BTD: variants seen among roughly 807,000 people sequenced by gnomAD.
BTD encodes biotinidase, also known as biocytinase.
BTD carries 13 observed loss-of-function variants against 17.7 expected under a neutral mutation model. The observed-to-expected ratio is 0.74, with a 90% CI of 0.48 to 1.17. The LOEUF (loss-of-function observed/expected upper bound fraction) is 1.17. BTD is among the 50% of genes most tolerant of loss of function. The pLI is 0.00. For missense variants in BTD, 674 were observed against 650.4 expected (o/e 1.04, Z -0.39); for synonymous variants, 240 against 245.2 (o/e 0.98, Z 0.20).
intron 3 of BTD, among the ~76,000 whole-genome samples, chr3:15,702,507 C>G: frequency 6.6e-6 from 1 of 152,134 alleles, no homozygotes; most frequent in East Asian, 1.9e-4. Context: ...TAAGGCTAAA[C>G]AATATTCTGT....
Position 15,644,588 on chromosome 3 carries a change from A to G in BTD, c.672A>G (p.Thr224=), listed in dbSNP as rs777224767. ...TPFAGRFGIF[T]CFDILFFDPA... is the part of the protein sequence containing the mutation. ...TTGCTGGCAGGTTTGGCATCTTCAC[A>G]TGCTTTGATATATTGTTCTTTGACC... Residue 224 remains threonine, a synonymous_variant, in exon 4 of 4, where the codon ACA becomes ACG. Transcript: ENST00000643237. The G allele has an allele frequency of 6.2e-7, 1 of 1,614,146 alleles. No homozygotes were observed. Among genetic ancestry groups the G allele is most frequent in the Admixed American group, 1.7e-5 (1 of 60,026 alleles).
chr3:15,642,099 A>C (rs745701034), intron 3 of BTD, 42 bp downstream of exon 3: 103 of 1,611,632 alleles, frequency 6.4e-5, no homozygotes, highest in Non-Finnish European at 8.1e-5. Flanking sequence ...GGGTACACAG[A>C]GGTGATCTAA....
intron 3 of BTD, chr3:15,679,329 T>C (rs777086590): frequency 2.5e-6 from 4 of 1,614,014 alleles, no homozygotes; most frequent in Non-Finnish European, 3.4e-6. Flanking sequence ...GCGTTCACAA[T>C]GCTGGCACCT....
At chr3:15,654,996 G>C (rs561812735), downstream of BTD, among the ~76,000 whole-genome samples, 1 of 152,332 alleles carries the variant, frequency 6.6e-6, no homozygotes, top group South Asian at 2.1e-4. Context: ...GCCTCCCAAA[G>C]TGCTGGGATT....
chr3:15,720,527 A>C (rs1303130456), intron 4 of BTD, among the ~76,000 whole-genome samples: 2 of 152,226 alleles, frequency 1.3e-5, no homozygotes, highest in Admixed American at 6.5e-5. Flanking sequence ...CTATGAAAGC[A>C]TACAAATGAA....
In BTD at chr3:15,651,303, G is replaced by C. The variant is rs1412264100; in HGVS notation, c.*5815G>C. Among the ~76,000 whole-genome samples, 1 of 152,224 alleles carries C rather than the reference G, an allele frequency of 6.6e-6. No homozygotes were observed. The highest frequency in any genetic ancestry group is 2.4e-5 in the African/African-American group (1 of 41,466). On this transcript the variant is annotated 3_prime_UTR_variant, in exon 4 of 4. Coordinates refer to ENST00000643237, the MANE Select transcript of BTD (RefSeq NM_001370658.1). ...GAAATTTCACTGTGATGCCAGTCAG[G>C]TATTGCTGCCGTAAGGGCCATAGCA...
In BTD at chr3:15,650,396, T is replaced by TG; in HGVS notation, c.*4908_*4909insG. Among the ~76,000 whole-genome samples the TG allele has an allele frequency of 6.6e-6, 1 of 151,818 alleles. No individual in the cohort carries two copies. Among genetic ancestry groups the TG allele is most frequent in the South Asian group, 2.1e-4 (1 of 4,790 alleles). On this transcript the variant is annotated 3_prime_UTR_variant, in exon 4 of 4. Transcript: ENST00000643237. ...TTTTTGTAGATAACTTTTCTTCTCA[T>TG]TTTCCTTCTCATTCTCTTCATCTTT...
At chr3:15,712,062 A>C in exon 4 of BTD, 1 of 1,130,240 alleles carries the variant, frequency 8.8e-7, no homozygotes, top group Non-Finnish European at 1.3e-6. Context: ...ATTAATTTTT[A>C]AAAAGCAGGA....
Position 15,721,118 on chromosome 3 carries a change from G to A in BTD, c.1016-652G>A, listed in dbSNP as rs565056573. The A allele has an allele frequency of 7.6e-5, 122 of 1,609,778 alleles. 1 individual carries two copies. In the South Asian group the frequency reaches 1.2e-3, roughly 16 times the overall value. On this transcript the variant is annotated intron_variant, in intron 4 of 4. Transcript: ENST00000672427. ...AGAGGTGTATTTCCATAGGCATTTG[G>A]TTCATTCATCTATTAGAAGGGAAAA...
At chr3:15,654,513 A>G (rs1039042836), downstream of BTD, among the ~76,000 whole-genome samples, 3 of 152,210 alleles carry the variant, frequency 2.0e-5, no homozygotes, top group Non-Finnish European at 4.4e-5. Context: ...AAAATCTATA[A>G]TAGCAGTTTA....
At chr3:15,677,773 G>A (rs1395927877) in intron 3 of BTD, among the ~76,000 whole-genome samples, 1 of 151,976 alleles carries the variant, frequency 6.6e-6, no homozygotes, top group Non-Finnish European at 1.5e-5. Context: ...CTCTAACAAT[G>A]GCAATTAACA....
intron 2 of BTD, among the ~76,000 whole-genome samples, chr3:15,637,151 TC>T (rs1016623914): frequency 6.6e-6 from 1 of 152,134 alleles, no homozygotes; most frequent in Non-Finnish European, 1.5e-5. Flanking sequence ...CTGGCATCTG[TC>T]CCCCAGGCTG....
intron 1 of BTD, among the ~76,000 whole-genome samples, chr3:15,619,818 T>C (rs575338641): frequency 6.6e-6 from 1 of 152,236 alleles, no homozygotes; most frequent in Non-Finnish European, 1.5e-5. Context: ...GAGAGGAATT[T>C]TACAGCTGGG....
chr3:15,633,499 C>T (rs1478551067), intron 1 of BTD, among the ~76,000 whole-genome samples: 2 of 152,204 alleles, frequency 1.3e-5, no homozygotes, highest in African/African-American at 4.8e-5. Flanking sequence ...TGATACCTTG[C>T]GGATTTTGCG....
At chr3:15,697,005 C>A (rs952678794) in intron 3 of BTD, among the ~76,000 whole-genome samples, 2 of 152,222 alleles carry the variant, frequency 1.3e-5, no homozygotes, top group South Asian at 4.1e-4. Flanking sequence ...TATAGCAGTA[C>A]AATTCGCAAT....
At chr3:15,694,038 C>T (rs1223786314) in intron 3 of BTD, among the ~76,000 whole-genome samples, 2 of 152,052 alleles carry the variant, frequency 1.3e-5, no homozygotes, top group Non-Finnish European at 2.9e-5. Flanking sequence ...CCCTGGTCTC[C>T]TGATTCTCAA....
chr3:15,615,616 G>T (rs1360579322), intron 1 of BTD, among the ~76,000 whole-genome samples: 1 of 152,136 alleles, frequency 6.6e-6, no homozygotes, highest in African/African-American at 2.4e-5. Flanking sequence ...TAAAAGAGAA[G>T]TTTTATGCTC....
chr3:15,690,625 C>T (rs1024493375), intron 3 of BTD, among the ~76,000 whole-genome samples: 9 of 152,100 alleles, frequency 5.9e-5, no homozygotes, highest in Non-Finnish European at 1.0e-4. Context: ...AGTCCAGTGG[C>T]GTGATCATAG....
intron 1 of BTD, among the ~76,000 whole-genome samples, chr3:15,624,963 C>T (rs547008113): frequency 3.3e-5 from 5 of 152,270 alleles, no homozygotes; most frequent in African/African-American, 1.2e-4. Context: ...GAACTCCTGG[C>T]CTTAAGCTCC....
Sources: allele counts gnomAD v4.1 joint callset (sites outside exome capture counted in the v4.1 genomes callset), GRCh38; gene constraint gnomAD v4.1.1; transcripts MANE v1.5; gene names NCBI Gene and HGNC (gene_info 2026-07-23, HGNC 2026-07-21).